The following PTPN4 variants were observed in gnomAD, a reference collection of about 807,000 sequenced individuals.
PTPN4 encodes the protein tyrosine-protein phosphatase non-receptor type 4.
In PTPN4, 49 loss-of-function variants were observed where a neutral mutation model predicts 135.5. That is an observed-to-expected ratio of 0.36 (90% CI 0.29 to 0.46). PTPN4 has a LOEUF of 0.46. Among genes scored for constraint, PTPN4 ranks in the 20% least tolerant of loss-of-function variants. PTPN4 has a pLI of 1.00. For missense variants in PTPN4, 860 were observed against 1,101.0 expected, an observed-to-expected ratio of 0.78 and a Z score of 3.10; for synonymous variants, 333 against 369.9, an observed-to-expected ratio of 0.90 and a Z score of 1.14.
At chr2:119,847,275 TACACACACACAC>T (rs775485671) in intron 2 of PTPN4, among the ~76,000 whole-genome samples, 32 of 107,524 alleles carry the variant, frequency 3.0e-4, no homozygotes, top group South Asian at 6.2e-4. Flanking sequence ...ATACTCTATA[TACACACACACAC>T]ACACACACAC....
At chr2:119,885,645 C>G (rs1678144624) in intron 8 of PTPN4, 150 bp from the exon 9 acceptor site, 1 of 442,744 alleles carries the variant, frequency 2.3e-6, no homozygotes, top group East Asian at 3.4e-5. Context: ...AATGTGCCCT[C>G]CAGATAAGTT....
Position 119,984,899 on chromosome 2 carries a change from A to G in PTPN4, c.*7829A>G, listed in dbSNP as rs575481690. On this transcript the variant is annotated 3_prime_UTR_variant, in exon 27 of 27. Transcript: ENST00000263708. Reference sequence around the variant, plus strand: ...ATAAAGATGTGCTTTAGTAATCTAAAGTACAGAAGTTTTGAAGATTATTTT... The same window carrying G: ...ATAAAGATGTGCTTTAGTAATCTAAGGTACAGAAGTTTTGAAGATTATTTT... 3.3e-5 allele frequency among the ~76,000 whole-genome samples: 5 copies of G among 152,240 alleles called. No homozygotes were observed. The highest frequency in any genetic ancestry group is 7.3e-5 in the Non-Finnish European group (5 of 68,048).
intron 12 of PTPN4, among the ~76,000 whole-genome samples, 194 bp from the exon 13 acceptor site, chr2:119,926,404 T>C (rs983105529): frequency 6.6e-6 from 1 of 152,226 alleles, no homozygotes; most frequent in African/African-American, 2.4e-5. Flanking sequence ...TCTTCATTAA[T>C]GGGAGAAATG....
rs35553909 is a variant in PTPN4, at chr2:119,927,113, C to CTTT, written c.1070+463_1070+465dup. Among the ~76,000 whole-genome samples, 71 of 122,854 alleles carry CTTT rather than the reference C, an allele frequency of 5.8e-4. 1 individual carries two copies. The highest frequency in any genetic ancestry group is 1.8e-3 in the African/African-American group (59 of 32,732). The allele number at this position is 122,854 out of a possible 152,430, so 80.6% of individuals were successfully genotyped here. A position where few individuals can be genotyped will look rare whatever the true frequency, so the allele number is the denominator to read the frequency against. On this transcript the variant is annotated intron_variant, in intron 13 of 26. Transcript: ENST00000263708. ...TTTAGGGTCTGTCATAGCCAATTTG[C>CTTT]TTTTTTTTTTTTTTTTTTGAGACGG...
intron 1 of PTPN4, among the ~76,000 whole-genome samples, chr2:119,761,489 A>C (rs2104913112): frequency 6.6e-6 from 1 of 152,358 alleles, no homozygotes; most frequent in East Asian, 1.9e-4. Context: ...TTTCTTTTAA[A>C]GAAAAAACTC....
At chr2:119,913,046 G>T (rs1472410138) in intron 10 of PTPN4, among the ~76,000 whole-genome samples, 2 of 152,014 alleles carry the variant, frequency 1.3e-5, no homozygotes, top group African/African-American at 2.4e-5. Context: ...CCGCATTGTA[G>T]TATGTATCAG....
At position 119,934,866 on chromosome 2, in the gene PTPN4, C is replaced by T. The variant is rs762877130; in HGVS notation, c.1263C>T (p.Asp421=). 11 of 1,613,692 alleles carry T rather than the reference C, an allele frequency of 6.8e-6. No homozygotes were observed. The highest frequency in any genetic ancestry group is 9.3e-6 in the Non-Finnish European group (11 of 1,179,622). ...CATCTTCAGTTGGTCATTTGGTAGACCATATGGTTCATACTTCCCCAAGCG... is the reference window on the plus strand; with the variant it reads ...CATCTTCAGTTGGTCATTTGGTAGATCATATGGTTCATACTTCCCCAAGCG... The part of the protein sequence containing the change: ...LRPSSVGHLV[D]HMVHTSPSEV... The change falls in exon 15 of 27, where the codon GAC becomes GAT. Residue 421 remains aspartate (D), a synonymous_variant. Transcript: ENST00000263708.
Position 119,820,926 on chromosome 2 carries a change from C to T in PTPN4, c.138+10935C>T, listed in dbSNP as rs189621776. Among the ~76,000 whole-genome samples the T allele has an allele frequency of 4.9e-4, 74 of 151,068 alleles. 1 individual carries two copies. Among genetic ancestry groups the T allele is most frequent in the Middle Eastern group, 3.5e-3 (1 of 286 alleles). On this transcript the variant is annotated intron_variant, in intron 2 of 26. Transcript: ENST00000263708. ...CTGGACTTGCATGTGTATATGTATA[C>T]ACGTATACATGTATGCACACATAGC...
intron 2 of PTPN4, among the ~76,000 whole-genome samples, chr2:119,842,838 C>G (rs1320992710): frequency 6.6e-6 from 1 of 151,922 alleles, no homozygotes; most frequent in Admixed American, 6.5e-5. Context: ...TAGCTATCAC[C>G]AGTTTTTACA....
chr2:119,917,326 G>C (rs1165519984), intron 11 of PTPN4, among the ~76,000 whole-genome samples: 2 of 152,172 alleles, frequency 1.3e-5, no homozygotes, highest in Non-Finnish European at 2.9e-5. Flanking sequence ...GGATCCTTTT[G>C]TGGTTCATAA....
In PTPN4 at chr2:119,977,208, G is replaced by C. The variant is rs1309164574; in HGVS notation, c.*138G>C. ...AAAAAACTTTGAAAACTTCAGCACT[G>C]TTGCACTTTATGTTTTAAAAAATGT... On this transcript the variant is annotated 3_prime_UTR_variant, in exon 27 of 27. Coordinates refer to ENST00000263708, the MANE Select transcript of PTPN4 (RefSeq NM_002830.4). 3.8e-6 allele frequency: 5 copies of C among 1,299,060 alleles called. No individual in the cohort carries two copies. In the African/African-American group the frequency reaches 4.6e-5, roughly 12 times the overall value. The allele number at this position is 1,299,060 out of a possible 1,614,324, so 80.5% of individuals were successfully genotyped here.
chr2:119,793,447 G>C (rs2104937016), intron 1 of PTPN4, among the ~76,000 whole-genome samples: 1 of 152,228 alleles, frequency 6.6e-6, no homozygotes, highest in Non-Finnish European at 1.5e-5. Flanking sequence ...AAACACACAT[G>C]CTTTACGAAC....
Position 119,885,785 on chromosome 2 carries a change from G to A in PTPN4, c.588-10G>A, listed in dbSNP as rs767189237. 2.0e-6 allele frequency: 3 copies of A among 1,537,324 alleles called. No individual in the cohort carries two copies. In the African/African-American group the frequency reaches 4.2e-5, roughly 21 times the overall value. Reference sequence around the variant, plus strand: ...TTGATCTCATTTTTAACTTAATGATGTCTTTATAGAGGCTTATCTCCTGCA... The same window carrying A: ...TTGATCTCATTTTTAACTTAATGATATCTTTATAGAGGCTTATCTCCTGCA... On this transcript the variant is annotated splice_polypyrimidine_tract_variant and intron_variant, in intron 8 of 26. Transcript: ENST00000263708.
Position 119,760,258 on chromosome 2 carries a change from C to T in PTPN4, c.-144C>T, listed in dbSNP as rs1350660566. 2 of 396,468 alleles carry T rather than the reference C, an allele frequency of 5.0e-6. No individual in the cohort carries two copies. Among genetic ancestry groups the T allele is most frequent in the Non-Finnish European group, 8.9e-6 (2 of 224,592 alleles). The allele number at this position is 396,468 out of a possible 1,614,324, so 24.6% of individuals were successfully genotyped here. ...CCGGGTCGTGGCGCGACCGCTGCGG[C>T]GGCGGCTGCTCGGGGGGCGCTGAGG... On this transcript the variant is annotated 5_prime_UTR_variant, in exon 1 of 27. Transcript: ENST00000263708.
chr2:119,827,522 A>C (rs999395306), intron 2 of PTPN4, among the ~76,000 whole-genome samples: 8 of 152,242 alleles, frequency 5.3e-5, no homozygotes, highest in African/African-American at 1.9e-4. Flanking sequence ...TTGGCAGTGC[A>C]AGTGGGCCAG....
intron 1 of PTPN4, among the ~76,000 whole-genome samples, chr2:119,761,954 C>CT (rs1373914608): frequency 2.6e-5 from 4 of 152,148 alleles, no homozygotes; most frequent in Non-Finnish European, 5.9e-5. Flanking sequence ...AGCTTCAGAG[C>CT]TGTAGGTATT....
chr2:119,955,125 G>GT, intron 19 of PTPN4, 32 bp from the exon 20 acceptor site: 1 of 1,552,668 alleles, frequency 6.4e-7, no homozygotes, highest in Non-Finnish European at 8.7e-7. Context: ...AGATTTCCAC[G>GT]TTTTGGGGTT....
At chr2:119,965,793 G>A in intron 25 of PTPN4, 148 bp downstream of exon 25, 1 of 893,118 alleles carries the variant, frequency 1.1e-6, no homozygotes, top group Non-Finnish European at 1.7e-6. Flanking sequence ...CAAAGGATAT[G>A]TTCTAACATA....
intron 1 of PTPN4, among the ~76,000 whole-genome samples, chr2:119,768,670 T>A (rs1480703118): frequency 1.3e-5 from 2 of 152,222 alleles, no homozygotes; most frequent in African/African-American, 4.8e-5. Flanking sequence ...TCCCCTTGTA[T>A]GTGCCAGTCT....
Sources: allele counts gnomAD v4.1 joint callset (sites outside exome capture counted in the v4.1 genomes callset), GRCh38; gene constraint gnomAD v4.1.1; transcripts MANE v1.5; gene names NCBI Gene and HGNC (gene_info 2026-07-23, HGNC 2026-07-21).